Variants in DIS3L observed in about 807,000 individuals in gnomAD.
The protein encoded by DIS3L is DIS3 like exosome 3'-5' exoribonuclease.
A neutral mutation model predicts 120.3 loss-of-function variants in DIS3L; 100 were observed. The observed-to-expected ratio is 0.83, with a 90% CI of 0.71 to 0.98. The LOEUF is 0.98. Among genes scored for constraint, DIS3L ranks in the 50% least tolerant of loss-of-function variants. The pLI is 0.00. For missense variants in DIS3L, 1,196 were observed against 1,314.2 expected, an observed-to-expected ratio of 0.91 and a Z score of 1.39; for synonymous variants, 426 against 470.6, an observed-to-expected ratio of 0.91 and a Z score of 1.23.
rs752749851 is a variant in DIS3L, at chr15:66,326,073, G to A, written c.1910G>A (p.Arg637His). The A allele has an allele frequency of 2.5e-6, 4 of 1,614,134 alleles. No individual in the cohort carries two copies. The highest frequency in any genetic ancestry group is 1.7e-5 in the Admixed American group (1 of 60,010). ...ATTGGAAAGCTGACCGACATAGCTC[G>A]CCATGTCAGAGCTAAACGAGACGGA... ...WAIGKLTDIARHVRAKRDGCG... is the reference protein window; with the variant it reads ...WAIGKLTDIAHHVRAKRDGCG... The change falls in exon 12 of 17, where the codon CGC (arginine) becomes CAC (histidine). Residue 637 changes from arginine to histidine, a missense_variant. Transcript: ENST00000319212.
chr15:66,317,447 A>T (rs2092831213), intron 7 of DIS3L, among the ~76,000 whole-genome samples: 1 of 152,004 alleles, frequency 6.6e-6, no homozygotes, highest in Non-Finnish European at 1.5e-5. Flanking sequence ...CAGTCTTATG[A>T]TCTGTACACT....
At position 66,306,876 on chromosome 15, in the gene DIS3L, C is replaced by A; in HGVS notation, c.346C>A (p.Leu116Ile). The change falls in exon 3 of 17, where the codon CTC becomes ATC. Residue 116 changes from leucine (L) to isoleucine (I), a missense_variant. Physicochemically the swap from Leu to Ile is conservative, Grantham distance 5 (BLOSUM62 2). Transcript: ENST00000319212. Reference sequence around the variant, plus strand: ...GAAGGATGCGCGTCATGATTGCATTCTCTTTGCTAATGAATTCCAGCAATG... The same window carrying A: ...GAAGGATGCGCGTCATGATTGCATTATCTTTGCTAATGAATTCCAGCAATG... ...LLKDARHDCI[L>I]FANEFQQCCY... is the part of the protein sequence containing the mutation. The A allele has an allele frequency of 6.2e-7, 1 of 1,614,186 alleles. No homozygotes were observed. Among genetic ancestry groups the A allele is most frequent in the Non-Finnish European group, 8.5e-7 (1 of 1,180,030 alleles).
intron 14 of DIS3L, among the ~76,000 whole-genome samples, chr15:66,331,203 T>C (rs2092995055): frequency 6.6e-6 from 1 of 152,014 alleles, no homozygotes; most frequent in Non-Finnish European, 1.5e-5. Context: ...TTGTCTTCCT[T>C]ATCAGTAGTG....
intron 2 of DIS3L, among the ~76,000 whole-genome samples, chr15:66,300,592 T>C (rs1376973156): frequency 6.6e-6 from 1 of 152,262 alleles, no homozygotes; most frequent in Non-Finnish European, 1.5e-5. Context: ...TTAAAATCTC[T>C]AGAACTAGTG....
Position 66,320,727 on chromosome 15 carries a change from G to A in DIS3L, c.1321G>A (p.Ala441Thr). 2 of 1,611,930 alleles carry A rather than the reference G, an allele frequency of 1.2e-6. No homozygotes were observed. The highest frequency in any genetic ancestry group is 1.1e-5 in the South Asian group (1 of 90,442). Residue 441 changes from alanine (A) to threonine (T), a missense_variant, in exon 9 of 17, where the codon GCT becomes ACT. Coordinates refer to ENST00000319212, the MANE Select transcript of DIS3L (RefSeq NM_001143688.3). ...TATTTCAGTTATTCCTTTCTCAGAA[G>A]CTCAGGTCAGATTTTCCAGAAGGCT... ...NSISVIPFSEAQMCEMPVNTP... is the reference protein window; with the variant it reads ...NSISVIPFSETQMCEMPVNTP...
In DIS3L at chr15:66,320,635, T is replaced by C. The variant is rs2140384784; in HGVS notation, c.1229T>C (p.Phe410Ser). ...ESTSVYPNGH[F>S]VRVLGRIGDL... ...ACATCTGTGTATCCAAATGGACATT[T>C]TGTGCGTGTTTTAGGAAGAATCGGA... The change falls in exon 9 of 17, where the codon TTT (phenylalanine) becomes TCT (serine). Residue 410 changes from phenylalanine (F) to serine (S), a missense_variant. By Grantham distance (155) the Phe-to-Ser change is radical. Coordinates refer to ENST00000319212, the MANE Select transcript of DIS3L (RefSeq NM_001143688.3). 6.2e-7 allele frequency: 1 copy of C among 1,614,138 alleles called. No individual in the cohort carries two copies. Among genetic ancestry groups the C allele is most frequent in the South Asian group, 1.1e-5 (1 of 91,068 alleles).
intron 1 of DIS3L, chr15:66,293,979 C>T (rs1357485163): frequency 6.0e-6 from 6 of 991,982 alleles, no homozygotes; most frequent in African/African-American, 5.2e-5. Context: ...TGGGAGGGCC[C>T]GACAGACCCG....
At chr15:66,293,799 A>T (rs943603700) in intron 1 of DIS3L, 64 bp downstream of exon 1, 43 of 1,103,570 alleles carry the variant, frequency 3.9e-5, no homozygotes, top group African/African-American at 5.0e-5. Flanking sequence ...TGAGGGGCTG[A>T]GCGCGGCCGG....
rs780395916 is a variant in DIS3L, at chr15:66,295,002, T to G, written c.154T>G (p.Ser52Ala). ...TTATGTTTCAGATGGGAAACTCTTG[T>G]CTAGTGATGTGACTCATTACGTGAT... ...AACSHDGKLL[S>A]SDVTHYVIPD... is the part of the protein sequence containing the mutation. Residue 52 changes from serine to alanine, a missense_variant, in exon 2 of 17, where the codon TCT (serine) becomes GCT (alanine). Ser to Ala is a moderately conservative substitution (Grantham distance 99, BLOSUM62 1). Transcript: ENST00000319212. The G allele has an allele frequency of 1.2e-6, 2 of 1,613,058 alleles. No individual in the cohort carries two copies. Among genetic ancestry groups the G allele is most frequent in the Non-Finnish European group, 1.7e-6 (2 of 1,179,428 alleles).
intron 12 of DIS3L, among the ~76,000 whole-genome samples, 187 bp from the exon 13 acceptor site, chr15:66,328,783 T>C (rs2092964941): frequency 6.6e-6 from 1 of 152,236 alleles, no homozygotes; most frequent in Admixed American, 6.5e-5. Context: ...TCTGACACTC[T>C]TGTTTTGTTT....
At position 66,323,577 on chromosome 15, in the gene DIS3L, C is replaced by A. The variant is rs150875950; in HGVS notation, c.1659C>A (p.Gly553=). Residue 553 remains glycine, a synonymous_variant, in exon 11 of 17, where the codon GGC becomes GGA. Coordinates refer to ENST00000319212, the MANE Select transcript of DIS3L (RefSeq NM_001143688.3). ...LSADLCSLLG[G]VDRYAVSIMW... ...CAGATTTGTGTTCCCTTCTGGGAGG[C>A]GTTGATAGGTGAGTTTATGGCTTTT... The A allele has an allele frequency of 1.9e-6, 3 of 1,614,198 alleles. No homozygotes were observed. In the Admixed American group the frequency reaches 5.0e-5, roughly 27 times the overall value.
In DIS3L at chr15:66,314,943, T is replaced by C. The variant is rs1376657182; in HGVS notation, c.815-93T>C. On this transcript the variant is annotated intron_variant, in intron 6 of 16. Transcript: ENST00000319212. ...GAAAAAGCTTTACTTGCAGGAGTAC[T>C]GATTAGACTTCGAGTATATCATGCG... 6 of 1,332,512 alleles carry C rather than the reference T, an allele frequency of 4.5e-6. No homozygotes were observed. In the Middle Eastern group the frequency reaches 5.8e-4, roughly 129 times the overall value. The allele number at this position is 1,332,512 out of a possible 1,614,324, so 82.5% of individuals were successfully genotyped here. A position where few individuals can be genotyped will look rare whatever the true frequency, so the allele number is the denominator to read the frequency against.
At chr15:66,325,491 T>A (rs2092926245) in intron 11 of DIS3L, among the ~76,000 whole-genome samples, 1 of 152,260 alleles carries the variant, frequency 6.6e-6, no homozygotes, top group Non-Finnish European at 1.5e-5. Context: ...CTAACTTTGT[T>A]GTTTTAATTT....
chr15:66,304,684 T>C (rs925179115), intron 2 of DIS3L, among the ~76,000 whole-genome samples: 2 of 151,972 alleles, frequency 1.3e-5, no homozygotes, highest in Non-Finnish European at 2.9e-5. Context: ...GTGGATCACC[T>C]GAGGTCAGGA....
intron 12 of DIS3L, among the ~76,000 whole-genome samples, chr15:66,327,630 G>A (rs2092952704): frequency 6.6e-6 from 1 of 152,104 alleles, no homozygotes; most frequent in Non-Finnish European, 1.5e-5. Context: ...TGTAATCCCA[G>A]CTACTTGGGA....
chr15:66,294,012 G>T, intron 1 of DIS3L: 1 of 989,330 alleles, frequency 1.0e-6, no homozygotes, highest in Non-Finnish European at 1.2e-6. Flanking sequence ...GAGGCCGGGT[G>T]GTTTGGCTCC....
chr15:66,325,918 A>G lies in DIS3L; in HGVS notation c.1755A>G (p.Ala585=), dbSNP rs1374631640. Residue 585 remains alanine (A), a synonymous_variant, in exon 12 of 17, where the codon GCA becomes GCG. Coordinates refer to ENST00000319212, the MANE Select transcript of DIS3L (RefSeq NM_001143688.3). ...VWYGRTIIRS[A]YKLFYEAAQE... is the part of the protein sequence containing the mutation. Reference sequence around the variant, plus strand: ...ATGGCAGAACCATTATTCGATCAGCATACAAACTGTTCTATGAAGCAGCCC... The same window carrying G: ...ATGGCAGAACCATTATTCGATCAGCGTACAAACTGTTCTATGAAGCAGCCC... 6.2e-7 allele frequency: 1 copy of G among 1,614,228 alleles called. No homozygotes were observed. Among genetic ancestry groups the G allele is most frequent in the South Asian group, 1.1e-5 (1 of 91,084 alleles).
chr15:66,325,059 A>C (rs1307546356), intron 11 of DIS3L, among the ~76,000 whole-genome samples: 1 of 152,218 alleles, frequency 6.6e-6, no homozygotes, highest in Non-Finnish European at 1.5e-5. Flanking sequence ...TTACTGAGCT[A>C]AAAAGACTTG....
At position 66,323,542 on chromosome 15, in the gene DIS3L, G is replaced by A. The variant is rs757341504; in HGVS notation, c.1624G>A (p.Val542Ile). 2.8e-5 allele frequency: 46 copies of A among 1,614,090 alleles called. No individual in the cohort carries two copies. Among genetic ancestry groups the A allele is most frequent in the Middle Eastern group, 1.6e-4 (1 of 6,084 alleles). The change falls in exon 11 of 17, where the codon GTC becomes ATC. Residue 542 changes from valine (V) to isoleucine (I), a missense_variant. Transcript: ENST00000319212. ...ADRRYDMLPS[V>I]LSADLCSLLG... The stretch of plus-strand genomic sequence containing the variant: ...TCGTCGCTATGACATGCTGCCTTCC[G>A]TCCTCAGTGCAGATTTGTGTTCCCT...
Sources: gnomAD v4.1 joint callset for allele counts (sites outside exome capture counted in the v4.1 genomes callset) on GRCh38, gnomAD v4.1.1 for gene constraint, MANE v1.5 for transcripts, NCBI Gene and HGNC (gene_info 2026-07-23, HGNC 2026-07-21) for gene names.